Variants in PIK3CG observed in about 807,000 individuals in gnomAD.
PIK3CG encodes phosphatidylinositol 4,5-bisphosphate 3-kinase catalytic subunit gamma isoform.
In PIK3CG, 55 loss-of-function variants were observed where a neutral mutation model predicts 102.3. That is an observed-to-expected ratio of 0.54 (90% CI 0.43 to 0.67). PIK3CG has a LOEUF of 0.67. Among genes scored for constraint, PIK3CG ranks in the 30% least tolerant of loss-of-function variants. The pLI, the probability that PIK3CG is intolerant of heterozygous loss-of-function variation, is 0.00. For synonymous variants in PIK3CG, 552 were observed against 540.0 expected (o/e 1.02, Z -0.31); for missense variants, 1,258 against 1,391.8 (o/e 0.90, Z 1.53).
chr7:106,907,992 T>C lies in PIK3CG; in HGVS notation c.*2605T>C, dbSNP rs909239800. 6.6e-6 allele frequency among the ~76,000 whole-genome samples: 1 copy of C among 152,108 alleles called. No homozygotes were observed. The highest frequency in any genetic ancestry group is 1.5e-5 in the Non-Finnish European group (1 of 68,022). On this transcript the variant is annotated 3_prime_UTR_variant, in exon 11 of 11. Coordinates refer to ENST00000496166, the MANE Select transcript of PIK3CG (RefSeq NM_001282426.2). The stretch of plus-strand genomic sequence containing the variant: ...TGAATTACATGACGAACAACTTCTA[T>C]ACCTTTGAAAATGTTCTAGAACTAG...
rs763562133 is a variant in PIK3CG, at chr7:106,902,545, TA to T, written c.3031-2552del. On this transcript the variant is annotated intron_variant, in intron 10 of 10. Transcript: ENST00000496166. This position sits in a 1 kb window ranked among gnomAD's most constrained non-coding sequence, Gnocchi z 4.3. ...ACATTGGGTATTGTCCTTAAAAGAC[TA>T]AAAAAAAAAAAGTCCAGTTTTTAGG... is the stretch of plus-strand genomic sequence containing the variant. Among the ~76,000 whole-genome samples, 1,298 of 142,462 alleles carry T rather than the reference TA, an allele frequency of 9.1e-3. 15 individuals carry two copies. Among genetic ancestry groups the T allele is most frequent in the African/African-American group, 0.028 (1,085 of 39,288 alleles). The allele number at this position is 142,462 out of a possible 152,430, so 93.5% of individuals were successfully genotyped here.
chr7:106,901,632 A>T (rs907711806), intron 10 of PIK3CG, among the ~76,000 whole-genome samples: 1 of 152,172 alleles, frequency 6.6e-6, no homozygotes, highest in Admixed American at 6.5e-5. Context: ...ACATATGACA[A>T]TTTGGCCATT....
In PIK3CG at chr7:106,874,167, G is replaced by A. The variant is rs1200724584; in HGVS notation, c.2288-533G>A. 2.6e-5 allele frequency among the ~76,000 whole-genome samples: 4 copies of A among 152,144 alleles called. No individual in the cohort carries two copies. The highest frequency in any genetic ancestry group is 4.8e-5 in the African/African-American group (2 of 41,428). The stretch of plus-strand genomic sequence containing the variant: ...ATTTGTACTGACCCTCATTCTGTCA[G>A]TCATCCAGTAATTTTTAATTCACAT... On this transcript the variant is annotated intron_variant, in intron 4 of 10. Transcript: ENST00000496166. This position sits in a 1 kb window ranked among gnomAD's most constrained non-coding sequence, Gnocchi z 4.3.
rs1301798412 is a variant in PIK3CG, at chr7:106,874,643, A to G, written c.2288-57A>G. On this transcript the variant is annotated intron_variant, in intron 4 of 10. Coordinates refer to ENST00000496166, the MANE Select transcript of PIK3CG (RefSeq NM_001282426.2). The surrounding 1 kb of genome is among the most constrained non-coding windows in gnomAD (Gnocchi z 4.3). ...AATGTGTTCTCAGGAAATGTAATAG[A>G]TAATATTGATGATTTCTGGAACTCA... 13 of 1,071,350 alleles carry G rather than the reference A, an allele frequency of 1.2e-5. No homozygotes were observed. The highest frequency in any genetic ancestry group is 1.7e-5 in the Admixed American group (1 of 57,272). The allele number at this position is 1,071,350 out of a possible 1,614,324, so 66.4% of individuals were successfully genotyped here.
In PIK3CG at chr7:106,897,356, T is replaced by C. The variant is rs1482998795; in HGVS notation, c.3031-7753T>C. On this transcript the variant is annotated intron_variant, in intron 10 of 10. Transcript: ENST00000496166. The surrounding 1 kb of genome is among the most constrained non-coding windows in gnomAD (Gnocchi z 4.6). ...GTTTTTAAAGCCAGGTTTATTGAGG[T>C]ATGTTTTACATAGAGTAAAAATCAC... Among the ~76,000 whole-genome samples, 3 of 152,222 alleles carry C rather than the reference T, an allele frequency of 2.0e-5. No homozygotes were observed. The highest frequency in any genetic ancestry group is 7.2e-5 in the African/African-American group (3 of 41,456).
rs771008997 is a variant in PIK3CG at position 106,879,537 on chromosome 7, A to G, written c.2410A>G (p.Met804Val). 3 of 1,613,464 alleles carry G rather than the reference A, an allele frequency of 1.9e-6. No individual in the cohort carries two copies. The South Asian group carries it at 3.3e-5, about 18-fold the overall frequency. The change falls in exon 6 of 11, where the codon ATG becomes GTG. Residue 804 changes from methionine (M) to valine (V), a missense_variant. By Grantham distance (21) the Met-to-Val change is conservative. This residue lies in a region of PIK3CG where 426 missense variants were observed against 604.2 expected (regional missense o/e 0.71). Transcript: ENST00000496166. This position sits in a 1 kb window ranked among gnomAD's most constrained non-coding sequence, Gnocchi z 4.9. ...GALAIEKCKV[M>V]ASKKKPLWLE... Reference sequence around the variant, plus strand: ...CTTACAGATTGAAAAATGTAAAGTAATGGCCTCCAAGAAAAAACCACTATG... The same window carrying G: ...CTTACAGATTGAAAAATGTAAAGTAGTGGCCTCCAAGAAAAAACCACTATG...
In PIK3CG at chr7:106,897,566, G is replaced by T. The variant is rs1035074392; in HGVS notation, c.3031-7543G>T. On this transcript the variant is annotated intron_variant, in intron 10 of 10. Coordinates refer to ENST00000496166, the MANE Select transcript of PIK3CG (RefSeq NM_001282426.2). This position sits in a 1 kb window ranked among gnomAD's most constrained non-coding sequence, Gnocchi z 4.6. ...CCTCAAGTAGATCCCAGTGTCTGTT[G>T]TTTCCTTCCTTGTGTTCATAAGTTC... Among the ~76,000 whole-genome samples the T allele has an allele frequency of 2.6e-5, 4 of 152,018 alleles. No homozygotes were observed. Among genetic ancestry groups the T allele is most frequent in the African/African-American group, 9.7e-5 (4 of 41,366 alleles).
Position 106,897,366 on chromosome 7 carries a change from A to G in PIK3CG, c.3031-7743A>G, listed in dbSNP as rs1264600723. On this transcript the variant is annotated intron_variant, in intron 10 of 10. Transcript: ENST00000496166. This position sits in a 1 kb window ranked among gnomAD's most constrained non-coding sequence, Gnocchi z 4.6. ...CCAGGTTTATTGAGGTATGTTTTAC[A>G]TAGAGTAAAAATCACCCTTTCTTTT... Among the ~76,000 whole-genome samples the G allele has an allele frequency of 6.6e-6, 1 of 152,236 alleles. No homozygotes were observed. Among genetic ancestry groups the G allele is most frequent in the Non-Finnish European group, 1.5e-5 (1 of 68,036 alleles).
rs849411 is a variant in PIK3CG, at chr7:106,905,933, A to G, written c.*546A>G. ...GTTAGTCTTTTCAGTGTCTTTTGCA[A>G]TTCAATTCTTTTGTCATGTATAACT... On this transcript the variant is annotated 3_prime_UTR_variant, in exon 11 of 11. Transcript: ENST00000496166. This position sits in a 1 kb window ranked among gnomAD's most constrained non-coding sequence, Gnocchi z 5.6. 1,282 of 231,180 alleles carry G rather than the reference A, an allele frequency of 5.5e-3. 14 individuals carry two copies. The highest frequency in any genetic ancestry group is 0.026 in the African/African-American group (1,197 of 45,248). 14.3% of individuals were successfully genotyped at this position (231,180 alleles called of 1,614,324 possible).
chr7:106,889,330 G>A (rs1170055821), intron 10 of PIK3CG, among the ~76,000 whole-genome samples: 1 of 151,218 alleles, frequency 6.6e-6, no homozygotes, highest in Admixed American at 6.8e-5. Context: ...TTCATCATTT[G>A]ACTATGACCT....
chr7:106,897,099 C>A lies in PIK3CG; in HGVS notation c.3031-8010C>A, dbSNP rs1364412565. ...ACACTTTTACATGTTTATTAAATAT[C>A]CTTCTACAGTATCTTTCTAGTAGTT... On this transcript the variant is annotated intron_variant, in intron 10 of 10. Coordinates refer to ENST00000496166, the MANE Select transcript of PIK3CG (RefSeq NM_001282426.2). The surrounding 1 kb of genome is among the most constrained non-coding windows in gnomAD (Gnocchi z 4.6). 6.6e-6 allele frequency among the ~76,000 whole-genome samples: 1 copy of A among 152,114 alleles called. No individual in the cohort carries two copies. The highest frequency in any genetic ancestry group is 2.4e-5 in the African/African-American group (1 of 41,404).
rs1333742079 is a variant in PIK3CG, at chr7:106,868,098, C to A, written c.537C>A (p.Gly179=). The A allele has an allele frequency of 6.2e-7, 1 of 1,612,840 alleles. No homozygotes were observed. The highest frequency in any genetic ancestry group is 1.3e-5 in the African/African-American group (1 of 75,036). ...ATGAGCTGGAGTTCACGCGCCGTGG[C>A]TTGGTGACCCCGCGCATGGCGGAGG... ...HDDELEFTRR[G]LVTPRMAEVA... The change falls in exon 2 of 11, where the codon GGC becomes GGA. Residue 179 remains glycine, a synonymous_variant. Transcript: ENST00000496166. The surrounding 1 kb of genome is among the most constrained non-coding windows in gnomAD (Gnocchi z 6.2).
Position 106,869,733 on chromosome 7 carries a change from T to G in PIK3CG, c.1995+177T>G, listed in dbSNP as rs923403750. Among the ~76,000 whole-genome samples, 1 of 152,182 alleles carries G rather than the reference T, an allele frequency of 6.6e-6. No homozygotes were observed. Among genetic ancestry groups the G allele is most frequent in the Non-Finnish European group, 1.5e-5 (1 of 68,018 alleles). ...TAAACTGTTCCATGTACATTTTTAC[T>G]GTCTCGGAGGGTTTGCTGACAAGGG... On this transcript the variant is annotated intron_variant, in intron 2 of 10. Coordinates refer to ENST00000496166, the MANE Select transcript of PIK3CG (RefSeq NM_001282426.2). This position sits in a 1 kb window ranked among gnomAD's most constrained non-coding sequence, Gnocchi z 5.3.
At chr7:106,870,872 G>T (rs1790511389) in intron 2 of PIK3CG, among the ~76,000 whole-genome samples, 1 of 152,076 alleles carries the variant, frequency 6.6e-6, no homozygotes, top group African/African-American at 2.4e-5. Flanking sequence ...CACTAGTTGA[G>T]ATATTTGTAT....
At chr7:106,881,546 A>G (rs1204188311) in intron 6 of PIK3CG, among the ~76,000 whole-genome samples, 7 of 152,010 alleles carry the variant, frequency 4.6e-5, no homozygotes, top group African/African-American at 1.7e-4. Flanking sequence ...GCTAAAACCC[A>G]CTCCAAAAGA....
chr7:106,908,579 G>C lies in PIK3CG; in HGVS notation c.*3192G>C, dbSNP rs1686262071. 6.6e-6 allele frequency among the ~76,000 whole-genome samples: 1 copy of C among 152,162 alleles called. No homozygotes were observed. Among genetic ancestry groups the C allele is most frequent in the Non-Finnish European group, 1.5e-5 (1 of 68,030 alleles). Reference sequence around the variant, plus strand: ...TTTGATGAAAGTATGGAGAAGTGGAGACATTATAGATAAAATATATCAATT... The same window carrying C: ...TTTGATGAAAGTATGGAGAAGTGGACACATTATAGATAAAATATATCAATT... On this transcript the variant is annotated 3_prime_UTR_variant, in exon 11 of 11. Transcript: ENST00000496166. The surrounding 1 kb of genome is among the most constrained non-coding windows in gnomAD (Gnocchi z 4.1).
chr7:106,903,413 G>C lies in PIK3CG; in HGVS notation c.3031-1696G>C, dbSNP rs1403178606. On this transcript the variant is annotated intron_variant, in intron 10 of 10. Coordinates refer to ENST00000496166, the MANE Select transcript of PIK3CG (RefSeq NM_001282426.2). This position sits in a 1 kb window ranked among gnomAD's most constrained non-coding sequence, Gnocchi z 4.3. The stretch of plus-strand genomic sequence containing the variant: ...CATTATAAGCAGTCTTGTCACTGAG[G>C]GATGTTCAAAAACTGACTCATTGCT... 2.0e-5 allele frequency among the ~76,000 whole-genome samples: 3 copies of C among 151,596 alleles called. No homozygotes were observed. The highest frequency in any genetic ancestry group is 4.4e-5 in the Non-Finnish European group (3 of 67,860).
chr7:106,908,431 G>A lies in PIK3CG; in HGVS notation c.*3044G>A, dbSNP rs1369360721. 1.3e-5 allele frequency among the ~76,000 whole-genome samples: 2 copies of A among 152,144 alleles called. No homozygotes were observed. Among genetic ancestry groups the A allele is most frequent in the Non-Finnish European group, 2.9e-5 (2 of 68,040 alleles). On this transcript the variant is annotated 3_prime_UTR_variant, in exon 11 of 11. Transcript: ENST00000496166. The surrounding 1 kb of genome is among the most constrained non-coding windows in gnomAD (Gnocchi z 4.1). ...ACCTCATCTCTATGGCTCTATGGCT[G>A]TACATTAGGACCTAGAACAGTGGCC... is the stretch of plus-strand genomic sequence containing the variant.
rs6961244 is a variant in PIK3CG, at chr7:106,890,036, A to C, written c.3030+3744A>C. 0.088 allele frequency among the ~76,000 whole-genome samples: 13,417 copies of C among 152,330 alleles called. 790 individuals are homozygous for C. Among genetic ancestry groups the C allele is most frequent in the South Asian group, 0.23 (1,097 of 4,824 alleles). ...ATAAAAAAGAAAAGTGTTTTTACTC[A>C]TTGGTAATTTATTCTAGACCATGTT... On this transcript the variant is annotated intron_variant, in intron 10 of 10. Transcript: ENST00000496166. The surrounding 1 kb of genome is among the most constrained non-coding windows in gnomAD (Gnocchi z 4.2).
Sources: gnomAD v4.1 joint callset for allele counts (sites outside exome capture counted in the v4.1 genomes callset) on GRCh38, gnomAD v4.1.1 for gene constraint, gnomAD v4.1.1 regional missense constraint, Gnocchi (gnomAD v3.1) non-coding constraint, MANE v1.5 for transcripts, NCBI Gene and HGNC (gene_info 2026-07-23, HGNC 2026-07-21) for gene names.